The following PPP2R5E variants were observed in gnomAD, a reference collection of about 807,000 sequenced individuals.
The protein encoded by PPP2R5E is protein phosphatase 2 regulatory subunit B'epsilon.
In PPP2R5E, 4 loss-of-function variants were observed where a neutral mutation model predicts 65.3. The observed-to-expected ratio is 0.06, with a 90% CI of 0.03 to 0.14. PPP2R5E has a LOEUF of 0.14. Among genes scored for constraint, PPP2R5E ranks in the 10% least tolerant of loss-of-function variants. PPP2R5E has a pLI of 1.00. For synonymous variants in PPP2R5E, 183 were observed against 187.4 expected (o/e 0.98, Z 0.19); for missense variants, 274 against 556.1 (o/e 0.49, Z 5.10).
At chr14:63,424,192 A>C (rs1887201357) in intron 3 of PPP2R5E, among the ~76,000 whole-genome samples, 1 of 152,242 alleles carries the variant, frequency 6.6e-6, no homozygotes, top group Admixed American at 6.5e-5. Flanking sequence ...AGGACAAGAC[A>C]TAGATCTGAG....
At chr14:63,391,892 ATGGCAT>A in intron 9 of PPP2R5E, 25 bp from the exon 10 acceptor site, 5 of 1,612,150 alleles carry the variant, frequency 3.1e-6, no homozygotes, top group Non-Finnish European at 4.2e-6. Context: ...AGAAAAACAA[ATGGCAT>A]TTAACTTTTT....
At chr14:63,464,610 C>T (rs971485127) in intron 2 of PPP2R5E, among the ~76,000 whole-genome samples, 5 of 152,174 alleles carry the variant, frequency 3.3e-5, no homozygotes, top group South Asian at 2.1e-4. Context: ...TTGTGAAACA[C>T]GGTGAGGACT....
At chr14:63,384,959 T>C (rs939535930) in intron 11 of PPP2R5E, among the ~76,000 whole-genome samples, 1 of 152,048 alleles carries the variant, frequency 6.6e-6, no homozygotes, top group Admixed American at 6.5e-5. Context: ...CTCCCAAAAG[T>C]GTTGGGATTA....
rs117646138 is a variant in PPP2R5E, at chr14:63,490,738, T to G, written c.158-36853A>C. Among the ~76,000 whole-genome samples, 1,230 of 151,936 alleles carry G rather than the reference T, an allele frequency of 8.1e-3. 46 individuals carry two copies. In the East Asian group the frequency reaches 0.11, roughly 14 times the overall value. On this transcript the variant is annotated intron_variant, in intron 2 of 13. Coordinates refer to ENST00000337537, the MANE Select transcript of PPP2R5E (RefSeq NM_006246.5). The stretch of plus-strand genomic sequence containing the variant: ...ACTATTAAAAAGTCAAAAAATAACA[T>G]GTTGGCAAGGTTGCAGAGAAAAAGG...
At chr14:63,489,820 T>C (rs1891198832) in intron 2 of PPP2R5E, among the ~76,000 whole-genome samples, 2 of 152,226 alleles carry the variant, frequency 1.3e-5, no homozygotes, top group Admixed American at 1.3e-4. Context: ...TCCTTTTCTC[T>C]GAGTGATGCC....
chr14:63,412,837 A>G (rs1886470910), intron 5 of PPP2R5E, among the ~76,000 whole-genome samples: 1 of 152,212 alleles, frequency 6.6e-6, no homozygotes, highest in South Asian at 2.1e-4. Flanking sequence ...CTTACTATGT[A>G]TGAGGCTATG....
intron 13 of PPP2R5E, among the ~76,000 whole-genome samples, chr14:63,377,786 G>C (rs538405039): frequency 6.6e-6 from 1 of 152,216 alleles, no homozygotes; most frequent in African/African-American, 2.4e-5. Flanking sequence ...TGTTAATTTT[G>C]ACCCTGAAAA....
chr14:63,457,176 GATGTGAAAAGGTAGA>G (rs1249863925), intron 2 of PPP2R5E, among the ~76,000 whole-genome samples: 10 of 152,162 alleles, frequency 6.6e-5, no homozygotes, highest in Admixed American at 6.5e-4. Context: ...GTCCCAGGTG[GATGTGAAAAGGTAGA>G]ATGTGAGAAG....
Position 63,423,117 on chromosome 14 carries a change from C to T in PPP2R5E, c.355-1023G>A, listed in dbSNP as rs562361901. Among the ~76,000 whole-genome samples the T allele has an allele frequency of 8.5e-5, 13 of 152,228 alleles. No homozygotes were observed. The South Asian group carries it at 1.2e-3, about 15-fold the overall frequency. ...AATATTTCCTTTTGTTTTTTTGAGA[C>T]GGAGTCTCGCTCTGTCACCCACGCT... On this transcript the variant is annotated intron_variant, in intron 3 of 13. Transcript: ENST00000337537.
At chr14:63,494,447 C>A (rs193195239) in intron 2 of PPP2R5E, among the ~76,000 whole-genome samples, 1 of 151,896 alleles carries the variant, frequency 6.6e-6, no homozygotes, top group African/African-American at 2.4e-5. Context: ...GTTGGCCAGC[C>A]TGGTCTTGAA....
At chr14:63,469,642 C>A (rs377522638) in intron 2 of PPP2R5E, among the ~76,000 whole-genome samples, 1 of 152,214 alleles carries the variant, frequency 6.6e-6, no homozygotes. Context: ...GGCAGTGAGC[C>A]GAGATCGTGC....
intron 3 of PPP2R5E, among the ~76,000 whole-genome samples, chr14:63,446,275 G>A (rs773503303): frequency 6.6e-6 from 1 of 152,128 alleles, no homozygotes; most frequent in Non-Finnish European, 1.5e-5. Context: ...ATCCATGAGG[G>A]TTGGAATCAA....
At position 63,415,369 on chromosome 14, in the gene PPP2R5E, C is replaced by G; in HGVS notation, c.457-137G>C. ...AATATCAATCAACAAACCAGGCCAGCCTTTCTTGTGGCTCACAGTTGCTGT... is the reference window on the plus strand; with the variant it reads ...AATATCAATCAACAAACCAGGCCAGGCTTTCTTGTGGCTCACAGTTGCTGT... On this transcript the variant is annotated intron_variant, in intron 4 of 13. Transcript: ENST00000337537. 6.0e-6 allele frequency: 3 copies of G among 497,420 alleles called. No homozygotes were observed. In the East Asian group the frequency reaches 1.0e-4, roughly 17 times the overall value. The allele number at this position is 497,420 out of a possible 1,614,324, so 30.8% of individuals were successfully genotyped here.
At chr14:63,501,790 A>G (rs1411347611) in intron 2 of PPP2R5E, among the ~76,000 whole-genome samples, 1 of 152,248 alleles carries the variant, frequency 6.6e-6, no homozygotes, top group Non-Finnish European at 1.5e-5. Context: ...CTCAGCAATA[A>G]AAAGTGGAAA....
At chr14:63,522,987 G>A (rs568403361) in intron 2 of PPP2R5E, among the ~76,000 whole-genome samples, 4 of 145,050 alleles carry the variant, frequency 2.8e-5, no homozygotes, top group Non-Finnish European at 4.6e-5. Flanking sequence ...CCGGCCAGCC[G>A]CCCCGTCCGG....
At chr14:63,449,441 T>C (rs4899113) in intron 3 of PPP2R5E, among the ~76,000 whole-genome samples, 44,274 of 152,076 alleles carry the variant, frequency 0.29, 7,849 homozygotes, top group African/African-American at 0.49. Context: ...AAAACTTTTA[T>C]AAATATTGTC....
intron 3 of PPP2R5E, among the ~76,000 whole-genome samples, chr14:63,430,412 T>C (rs1032975946): frequency 2.0e-5 from 3 of 151,240 alleles, no homozygotes; most frequent in African/African-American, 7.3e-5. Context: ...CATACATACA[T>C]ACATACATGC....
At chr14:63,414,115 C>T (rs1303330857) in intron 5 of PPP2R5E, among the ~76,000 whole-genome samples, 1 of 152,122 alleles carries the variant, frequency 6.6e-6, no homozygotes, top group Admixed American at 6.5e-5. Flanking sequence ...CCCTATGAAA[C>T]TGCTGTTTTG....
intron 5 of PPP2R5E, among the ~76,000 whole-genome samples, chr14:63,409,983 A>G (rs1886309997): frequency 6.6e-6 from 1 of 152,226 alleles, no homozygotes; most frequent in African/African-American, 2.4e-5. Flanking sequence ...TATATAGGGA[A>G]GTCAAGATTC....
Sources: gnomAD v4.1 joint callset for allele counts (sites outside exome capture counted in the v4.1 genomes callset) on GRCh38, gnomAD v4.1.1 for gene constraint, MANE v1.5 for transcripts, NCBI Gene and HGNC (gene_info 2026-07-23, HGNC 2026-07-21) for gene names.